The following IPO11 variants were observed in gnomAD, a reference collection of about 807,000 sequenced individuals.
The protein encoded by IPO11 is importin 11.
A neutral mutation model predicts 143.2 loss-of-function variants in IPO11; 66 were observed. The ratio of observed to expected loss-of-function variants is 0.46; its 90% CI spans 0.38 to 0.57. IPO11 has a LOEUF of 0.57. Ranked by LOEUF, IPO11 falls within the 20% of genes least tolerant of loss-of-function variation. The pLI is 0.00. For missense variants in IPO11, 1,026 were observed against 1,141.0 expected, an observed-to-expected ratio of 0.90 and a Z score of 1.45; for synonymous variants, 385 against 377.8, an observed-to-expected ratio of 1.02 and a Z score of -0.22.
At chr5:62,510,621 C>T (rs1741712697) in intron 19 of IPO11, among the ~76,000 whole-genome samples, 1 of 152,202 alleles carries the variant, frequency 6.6e-6, no homozygotes, top group African/African-American at 2.4e-5. Context: ...CCCCATATAG[C>T]TAGCCTCCCA....
intron 27 of IPO11, chr5:62,579,257 A>AT (rs1159323666): frequency 3.2e-6 from 2 of 621,822 alleles, no homozygotes; most frequent in Non-Finnish European, 5.7e-6. Flanking sequence ...CATACTCATT[A>AT]TTTTTTGCTA....
chr5:62,498,265 T>A (rs1741226793), intron 16 of IPO11, among the ~76,000 whole-genome samples: 1 of 152,170 alleles, frequency 6.6e-6, no homozygotes, highest in African/African-American at 2.4e-5. Flanking sequence ...ATATCGGTAG[T>A]TCCTTGTGCC....
chr5:62,471,381 T>A (rs1745768285), intron 7 of IPO11, among the ~76,000 whole-genome samples: 1 of 152,178 alleles, frequency 6.6e-6, no homozygotes, highest in Non-Finnish European at 1.5e-5. Flanking sequence ...TGTTCTATTG[T>A]TAAATGAGTT....
At chr5:62,574,843 T>C (rs1744257526) in intron 27 of IPO11, among the ~76,000 whole-genome samples, 1 of 152,196 alleles carries the variant, frequency 6.6e-6, no homozygotes, top group East Asian at 1.9e-4. Context: ...TAATGTTCCT[T>C]GAAAGTGTCC....
chr5:62,598,984 TG>T, intron 28 of IPO11, among the ~76,000 whole-genome samples: 1 of 152,274 alleles, frequency 6.6e-6, no homozygotes, highest in Admixed American at 6.5e-5. Flanking sequence ...TAACATAGAA[TG>T]GGGGTTAACA....
intron 8 of IPO11, among the ~76,000 whole-genome samples, chr5:62,475,613 T>C (rs988470244): frequency 1.3e-5 from 2 of 152,272 alleles, no homozygotes; most frequent in Non-Finnish European, 2.9e-5. Flanking sequence ...TTAACAAATA[T>C]TGTCTATAGA....
At chr5:62,559,421 C>T (rs1743690059) in intron 26 of IPO11, among the ~76,000 whole-genome samples, 1 of 151,706 alleles carries the variant, frequency 6.6e-6, no homozygotes, top group African/African-American at 2.4e-5. Context: ...ACTATTTGGT[C>T]CTCAGTAGAA....
At chr5:62,483,046 CA>C in intron 9 of IPO11, 54 bp from the exon 10 acceptor site, 1 of 1,115,912 alleles carries the variant, frequency 9.0e-7, no homozygotes, top group Non-Finnish European at 1.3e-6. Flanking sequence ...GATTATATTC[CA>C]ATATGAATTT....
rs182015812 is a variant in IPO11, at chr5:62,546,085, G to A, written c.2251-4282G>A. ...ACTAGAAATACCATTTGGCCCAGCC[G>A]TCCCATTACTGGAGATATACCCAAA... is the stretch of plus-strand genomic sequence containing the variant. On this transcript the variant is annotated intron_variant, in intron 24 of 29. Transcript: ENST00000325324. Among the ~76,000 whole-genome samples the A allele has an allele frequency of 2.5e-3, 376 of 152,196 alleles. 1 individual carries two copies. Among genetic ancestry groups the A allele is most frequent in the Non-Finnish European group, 4.1e-3 (276 of 68,000 alleles).
Position 62,514,585 on chromosome 5 carries a change from A to AGGAGAG in IPO11, c.1783-791_1783-786dup, listed in dbSNP as rs1254843225. Among the ~76,000 whole-genome samples the AGGAGAG allele has an allele frequency of 1.1e-4, 13 of 117,258 alleles. 1 individual carries two copies. In the South Asian group the frequency reaches 2.2e-3, roughly 20 times the overall value. The allele number at this position is 117,258 out of a possible 152,430, so 76.9% of individuals were successfully genotyped here. On this transcript the variant is annotated intron_variant, in intron 19 of 29. Coordinates refer to ENST00000325324, the MANE Select transcript of IPO11 (RefSeq NM_016338.5). ...CCGGCATGAGAGGGAGACCGTGGAA[A>AGGAGAG]GGAGAGGGAGAGGGAGACGGGAGAG...
At chr5:62,509,937 G>A (rs574643095) in intron 19 of IPO11, among the ~76,000 whole-genome samples, 29 of 152,282 alleles carry the variant, frequency 1.9e-4, no homozygotes, top group Admixed American at 5.2e-4. Flanking sequence ...GGATGATAAC[G>A]ATAGTTCTGG....
At chr5:62,602,693 A>T (rs1745551020) in intron 29 of IPO11, among the ~76,000 whole-genome samples, 1 of 152,222 alleles carries the variant, frequency 6.6e-6, no homozygotes, top group African/African-American at 2.4e-5. Context: ...CTTATAGCTA[A>T]CATTGCACTG....
At chr5:62,521,706 C>T (rs564933744) in intron 20 of IPO11, among the ~76,000 whole-genome samples, 5 of 151,820 alleles carry the variant, frequency 3.3e-5, no homozygotes, top group African/African-American at 9.6e-5. Flanking sequence ...CTGAACCAGT[C>T]GTCTGATTTT....
At chr5:62,582,289 A>C (rs1024191140) in intron 27 of IPO11, among the ~76,000 whole-genome samples, 3 of 152,232 alleles carry the variant, frequency 2.0e-5, no homozygotes, top group Non-Finnish European at 4.4e-5. Context: ...GGCAAAAAGG[A>C]TGGATGGATC....
chr5:62,577,491 GA>G (rs1744358638), intron 27 of IPO11, among the ~76,000 whole-genome samples: 1 of 151,870 alleles, frequency 6.6e-6, no homozygotes, highest in Admixed American at 6.6e-5. Context: ...CCAAGAAATT[GA>G]AAAATCCATG....
Position 62,547,561 on chromosome 5 carries a change from T to A in IPO11, c.2251-2806T>A, listed in dbSNP as rs185185385. On this transcript the variant is annotated intron_variant, in intron 24 of 29. Transcript: ENST00000325324. ...CAAGTCTGATAATGGTATTTTTCTT[T>A]CAGAAACTCTCATCTTCTCTAGCTA... 1.7e-3 allele frequency among the ~76,000 whole-genome samples: 254 copies of A among 152,300 alleles called. 2 individuals carry two copies. Among genetic ancestry groups the A allele is most frequent in the Admixed American group, 4.3e-3 (66 of 15,276 alleles).
chr5:62,450,351 A>C (rs747144220), intron 4 of IPO11, among the ~76,000 whole-genome samples: 1 of 152,192 alleles, frequency 6.6e-6, no homozygotes, highest in Non-Finnish European at 1.5e-5. Flanking sequence ...CCATAGGGTT[A>C]TAATGGAACT....
intron 9 of IPO11, among the ~76,000 whole-genome samples, chr5:62,482,636 C>T (rs1746255204): frequency 6.6e-6 from 1 of 152,132 alleles, no homozygotes; most frequent in Non-Finnish European, 1.5e-5. Context: ...TGATGGCATT[C>T]TAATTCTGTT....
At chr5:62,606,414 A>C (rs1215137202) in intron 29 of IPO11, among the ~76,000 whole-genome samples, 2 of 133,858 alleles carry the variant, frequency 1.5e-5, no homozygotes, top group East Asian at 2.5e-4. Context: ...TGGGAGACGG[A>C]GGTTGCAGTG....
Sources: allele counts gnomAD v4.1 joint callset (sites outside exome capture counted in the v4.1 genomes callset), GRCh38; gene constraint gnomAD v4.1.1; transcripts MANE v1.5; gene names NCBI Gene and HGNC (gene_info 2026-07-23, HGNC 2026-07-21).